FOXN3: variants seen among roughly 807,000 people sequenced by gnomAD.
FOXN3 encodes forkhead box N3.
Under a neutral mutation model 38.4 loss-of-function variants are expected in FOXN3, and 7 were observed. The ratio of observed to expected loss-of-function variants is 0.18; its 90% CI spans 0.10 to 0.34. The LOEUF (loss-of-function observed/expected upper bound fraction) is 0.34. FOXN3 is among the 10% of genes least tolerant of loss of function. FOXN3 has a pLI of 1.00. For synonymous variants in FOXN3, 230 were observed against 242.2 expected (o/e 0.95, Z 0.47); for missense variants, 456 against 613.4 (o/e 0.74, Z 2.71).
chr14:89,226,175 T>TAA (rs138507883), intron 4 of FOXN3, among the ~76,000 whole-genome samples: 3 of 108,270 alleles, frequency 2.8e-5, no homozygotes, highest in Admixed American at 8.9e-5. Context: ...CAAGGAGACA[T>TAA]AAAAAAAAAA....
In FOXN3 at chr14:89,366,177, C is replaced by T. The variant is rs141608188; in HGVS notation, c.544-15369G>A. On this transcript the variant is annotated intron_variant, in intron 2 of 5. Coordinates refer to ENST00000557258, the MANE Select transcript of FOXN3 (RefSeq NM_005197.4). ...CTGAGGCAGGAGAATGGCATGAACC[C>T]GGGAGGCGGAGTTTGCAGTGAGCCG... 1.3e-3 allele frequency among the ~76,000 whole-genome samples: 195 copies of T among 151,176 alleles called. 7 individuals are homozygous for T. The East Asian group carries it at 0.035, about 27-fold the overall frequency.
chr14:89,483,466 T>C (rs913900341), intron 1 of FOXN3, among the ~76,000 whole-genome samples: 1 of 152,166 alleles, frequency 6.6e-6, no homozygotes, highest in Admixed American at 6.5e-5. Flanking sequence ...TGGAATGCAA[T>C]AGCGCGATCT....
intron 4 of FOXN3, among the ~76,000 whole-genome samples, chr14:89,265,883 A>G (rs529661662): frequency 6.6e-6 from 1 of 152,326 alleles, no homozygotes; most frequent in East Asian, 1.9e-4. Context: ...CCAGAATCTT[A>G]GTTGATGATG....
intron 1 of FOXN3, among the ~76,000 whole-genome samples, chr14:89,537,115 G>GT (rs1027062303): frequency 6.6e-5 from 10 of 152,202 alleles, no homozygotes; most frequent in Non-Finnish European, 1.5e-4. Flanking sequence ...TTCTCTGAGG[G>GT]TGTTGGTTTA....
intron 1 of FOXN3, among the ~76,000 whole-genome samples, chr14:89,554,405 G>A (rs192933982): frequency 6.6e-6 from 1 of 152,238 alleles, no homozygotes; most frequent in Non-Finnish European, 1.5e-5. Context: ...CAAAGTGCTG[G>A]GATTACAGGC....
rs562939692 is a variant in FOXN3, at chr14:89,438,833, G to A, written c.-14-26343C>T. On this transcript the variant is annotated intron_variant, in intron 1 of 6. Transcript: ENST00000345097. ...GGCTAGAGTGCAATGGCGCAATCTC[G>A]GCCCACTGCAACCTCCGCCTCCCAG... is the stretch of plus-strand genomic sequence containing the variant. Among the ~76,000 whole-genome samples the A allele has an allele frequency of 1.2e-4, 18 of 151,216 alleles. No homozygotes were observed. The East Asian group carries it at 3.1e-3, about 26-fold the overall frequency.
chr14:89,186,405 A>T (rs1300274815), intron 4 of FOXN3, among the ~76,000 whole-genome samples: 1 of 152,004 alleles, frequency 6.6e-6, no homozygotes, highest in Non-Finnish European at 1.5e-5. Flanking sequence ...TGAGTAATGG[A>T]GATCTGGCTT....
At chr14:89,305,441 G>A (rs965477390) in intron 3 of FOXN3, among the ~76,000 whole-genome samples, 14 of 152,186 alleles carry the variant, frequency 9.2e-5, no homozygotes, top group Admixed American at 9.2e-4. Context: ...CTCTAAACAA[G>A]CTATAAATTT....
At chr14:89,348,226 C>T (rs1010673252) in intron 3 of FOXN3, among the ~76,000 whole-genome samples, 2 of 152,006 alleles carry the variant, frequency 1.3e-5, no homozygotes, top group African/African-American at 2.4e-5. Flanking sequence ...CCCCTCACAG[C>T]GATCCAGCAA....
chr14:89,547,745 C>T (rs2139858318), intron 1 of FOXN3, among the ~76,000 whole-genome samples: 1 of 152,336 alleles, frequency 6.6e-6, no homozygotes, highest in Non-Finnish European at 1.5e-5. Context: ...TCTTACCCTC[C>T]ATTGCATCCC....
At chr14:89,461,845 C>T (rs895130019) in intron 1 of FOXN3, among the ~76,000 whole-genome samples, 1 of 151,970 alleles carries the variant, frequency 6.6e-6, no homozygotes, top group Non-Finnish European at 1.5e-5. Flanking sequence ...AACTTGAGGG[C>T]CAAAATGAAA....
At chr14:89,509,284 A>G (rs916327685) in intron 1 of FOXN3, among the ~76,000 whole-genome samples, 3 of 152,134 alleles carry the variant, frequency 2.0e-5, no homozygotes, top group Non-Finnish European at 4.4e-5. Context: ...ATCTTTATCC[A>G]TAGCACTTAC....
intron 3 of FOXN3, among the ~76,000 whole-genome samples, chr14:89,293,414 G>A (rs928078329): frequency 1.3e-5 from 2 of 152,208 alleles, no homozygotes; most frequent in African/African-American, 4.8e-5. Flanking sequence ...CCAAGATCAA[G>A]GGGTCACAGG....
At chr14:89,594,758 C>T (rs910034874) in intron 1 of FOXN3, among the ~76,000 whole-genome samples, 3 of 152,086 alleles carry the variant, frequency 2.0e-5, no homozygotes, top group Admixed American at 6.5e-5. Flanking sequence ...TCCTGGCGCA[C>T]ACCTGTAATC....
intron 3 of FOXN3, among the ~76,000 whole-genome samples, chr14:89,283,347 A>G (rs1459816768): frequency 1.3e-5 from 2 of 152,182 alleles, no homozygotes. Context: ...CTATCTAATG[A>G]GACCAGCAAT....
chr14:89,341,987 A>G (rs1269044804), intron 3 of FOXN3, among the ~76,000 whole-genome samples: 3 of 152,156 alleles, frequency 2.0e-5, no homozygotes, highest in Non-Finnish European at 4.4e-5. Flanking sequence ...GCCCATCAAC[A>G]CTGCAACTTT....
chr14:89,294,743 C>T (rs1050242206), intron 3 of FOXN3, among the ~76,000 whole-genome samples: 6 of 152,196 alleles, frequency 3.9e-5, no homozygotes, highest in African/African-American at 1.4e-4. Flanking sequence ...AGGAAGTTAC[C>T]CTATATGGTC....
intron 3 of FOXN3, among the ~76,000 whole-genome samples, chr14:89,313,516 G>T (rs2139962758): frequency 1.3e-5 from 2 of 151,662 alleles, no homozygotes; most frequent in Admixed American, 1.3e-4. Flanking sequence ...CGAGATCATG[G>T]CACTGCATCC....
intron 4 of FOXN3, among the ~76,000 whole-genome samples, chr14:89,232,745 G>T (rs551224762): frequency 1.3e-5 from 2 of 152,182 alleles, no homozygotes; most frequent in Non-Finnish European, 2.9e-5. Context: ...CCAGCCTTAC[G>T]AGACATAATT....
Sources: allele counts gnomAD v4.1 joint callset (sites outside exome capture counted in the v4.1 genomes callset), GRCh38; gene constraint gnomAD v4.1.1; transcripts MANE v1.5; gene names NCBI Gene and HGNC (gene_info 2026-07-23, HGNC 2026-07-21).